The following NBAS variants were observed in gnomAD, a reference collection of about 807,000 sequenced individuals.
NBAS encodes NBAS subunit of NRZ tethering complex, also known as NAG/BC035112 fusion.
In NBAS, 219 loss-of-function variants were observed where a neutral mutation model predicts 302.5. That is an observed-to-expected ratio of 0.72 (90% CI 0.65 to 0.81). NBAS has a LOEUF of 0.81. NBAS is among the 30% of genes least tolerant of loss of function. NBAS has a pLI of 0.00. For missense variants in NBAS, 2,932 were observed against 2,841.6 expected (o/e 1.03, Z -0.72); for synonymous variants, 1,118 against 1,021.6 (o/e 1.09, Z -1.80).
At chr2:15,187,907 G>A (rs1348195381) in intron 49 of NBAS, among the ~76,000 whole-genome samples, 2 of 152,174 alleles carry the variant, frequency 1.3e-5, no homozygotes, top group Non-Finnish European at 1.5e-5. Flanking sequence ...CAATCTGTGC[G>A]AACAAAGAAC....
intron 10 of NBAS, among the ~76,000 whole-genome samples, chr2:15,505,915 TTAA>T (rs1661825309): frequency 6.6e-6 from 1 of 151,600 alleles, no homozygotes; most frequent in Non-Finnish European, 1.5e-5. Context: ...TGAAAAAGGG[TTAA>T]TAATAAAAAG....
intron 35 of NBAS, among the ~76,000 whole-genome samples, chr2:15,350,955 C>T (rs1324106440): frequency 1.3e-5 from 2 of 152,152 alleles, no homozygotes; most frequent in East Asian, 3.9e-4. Context: ...GAATTATATA[C>T]ATATCTCACA....
At chr2:14,800,374 A>G in the NBAS span, among the ~76,000 whole-genome samples, 9 of 152,180 alleles carry the variant, frequency 5.9e-5, no homozygotes, top group Non-Finnish European at 1.3e-4. Flanking sequence ...CATCCACTCA[A>G]GATGTGACTT....
At chr2:14,851,518 C>T in the NBAS span, among the ~76,000 whole-genome samples, 1 of 140,500 alleles carries the variant, frequency 7.1e-6, no homozygotes, top group South Asian at 2.3e-4. Flanking sequence ...GGAACTGGTA[C>T]CATTCCTTCT....
At chr2:14,820,753 T>C in the NBAS span, among the ~76,000 whole-genome samples, 1 of 152,062 alleles carries the variant, frequency 6.6e-6, no homozygotes, top group Non-Finnish European at 1.5e-5. Context: ...TGTCAGTCAC[T>C]CTCTTGAGAG....
the NBAS span, among the ~76,000 whole-genome samples, chr2:14,779,971 T>TG: frequency 6.6e-6 from 1 of 152,338 alleles, no homozygotes. Context: ...AATATGTCAC[T>TG]GGCTGTCACT....
At chr2:15,229,858 CA>C (rs1170434628) in intron 47 of NBAS, among the ~76,000 whole-genome samples, 1 of 152,024 alleles carries the variant, frequency 6.6e-6, no homozygotes, top group Non-Finnish European at 1.5e-5. Flanking sequence ...CACAAAACCA[CA>C]TATTTGGTGG....
the NBAS span, among the ~76,000 whole-genome samples, chr2:14,975,170 C>G: frequency 6.6e-6 from 1 of 152,152 alleles, no homozygotes; most frequent in Non-Finnish European, 1.5e-5. Context: ...CTTAGGCCAG[C>G]CATCATTTTG....
At chr2:15,158,309 G>C in the NBAS span, among the ~76,000 whole-genome samples, 5 of 152,214 alleles carry the variant, frequency 3.3e-5, no homozygotes, top group African/African-American at 1.2e-4. Context: ...AGGCCACGGG[G>C]TTGGGGTTGC....
chr2:15,487,577 T>C (rs796730335), intron 12 of NBAS, among the ~76,000 whole-genome samples: 2 of 152,216 alleles, frequency 1.3e-5, no homozygotes, highest in Non-Finnish European at 2.9e-5. Flanking sequence ...GGGTCAACTG[T>C]GTCAGTGATA....
At chr2:15,295,439 G>T (rs1670503916) in intron 40 of NBAS, among the ~76,000 whole-genome samples, 1 of 152,136 alleles carries the variant, frequency 6.6e-6, no homozygotes, top group Non-Finnish European at 1.5e-5. Flanking sequence ...GAATGACCTT[G>T]TGCAAATTAC....
chr2:15,217,751 C>T (rs998969631), intron 48 of NBAS, among the ~76,000 whole-genome samples: 1 of 152,176 alleles, frequency 6.6e-6, no homozygotes, highest in Admixed American at 6.5e-5. Context: ...TAGGAATTAG[C>T]ATTCTTATTT....
the NBAS span, among the ~76,000 whole-genome samples, chr2:14,919,645 G>T: frequency 4.6e-5 from 7 of 152,152 alleles, no homozygotes; most frequent in Non-Finnish European, 8.8e-5. Flanking sequence ...CTAAGGATAC[G>T]TAATAATCTA....
chr2:14,930,502 T>A, the NBAS span, among the ~76,000 whole-genome samples: 1 of 152,114 alleles, frequency 6.6e-6, no homozygotes, highest in Non-Finnish European at 1.5e-5. Flanking sequence ...CCATCCAAGG[T>A]CAAGGAAATG....
chr2:15,243,697 T>C (rs1457186943), intron 44 of NBAS, among the ~76,000 whole-genome samples: 1 of 152,086 alleles, frequency 6.6e-6, no homozygotes, highest in Non-Finnish European at 1.5e-5. Context: ...ACTTGGGAAA[T>C]GGAACACCAG....
rs141247541 is a variant in NBAS at position 15,458,236 on chromosome 2, T to C, written c.2339+2965A>G. On this transcript the variant is annotated intron_variant, in intron 21 of 51. Transcript: ENST00000281513. ...GAAAATAAAGAAAGAATTATGAGTATAGGGAAAGGAGTACCTTATAGAAAT... is the reference window on the plus strand; with the variant it reads ...GAAAATAAAGAAAGAATTATGAGTACAGGGAAAGGAGTACCTTATAGAAAT... Among the ~76,000 whole-genome samples, 4 of 152,264 alleles carry C rather than the reference T, an allele frequency of 2.6e-5. No homozygotes were observed. In the East Asian group the frequency reaches 7.7e-4, roughly 29 times the overall value.
At chr2:14,928,120 T>C in the NBAS span, among the ~76,000 whole-genome samples, 1 of 152,236 alleles carries the variant, frequency 6.6e-6, no homozygotes, top group Non-Finnish European at 1.5e-5. Context: ...ATCTTCCTAA[T>C]AATATGATGC....
chr2:15,056,101 TA>T, the NBAS span, among the ~76,000 whole-genome samples: 9 of 147,436 alleles, frequency 6.1e-5, no homozygotes, highest in Admixed American at 6.7e-5. Flanking sequence ...CTCCTGGAAG[TA>T]AAAAAAAAAA....
At chr2:15,146,678 G>A in the NBAS span, among the ~76,000 whole-genome samples, 1 of 152,104 alleles carries the variant, frequency 6.6e-6, no homozygotes, top group African/African-American at 2.4e-5. Flanking sequence ...GGGACAGGGA[G>A]CAATAGGGAG....
Sources: gnomAD v4.1 joint callset for allele counts (sites outside exome capture counted in the v4.1 genomes callset) on GRCh38, gnomAD v4.1.1 for gene constraint, MANE v1.5 for transcripts, NCBI Gene and HGNC (gene_info 2026-07-23, HGNC 2026-07-21) for gene names.